SMAD3: variants seen among roughly 807,000 people sequenced by gnomAD.
The protein encoded by SMAD3 is MAD homolog 3.
SMAD3 carries 12 observed loss-of-function variants against 51.8 expected under a neutral mutation model. The observed-to-expected ratio is 0.23, with a 90% CI of 0.15 to 0.38. The LOEUF (loss-of-function observed/expected upper bound fraction) is 0.38, where lower values mean the gene tolerates loss of function less well. SMAD3 is among the 10% of genes least tolerant of loss of function. The pLI, the probability that SMAD3 is intolerant of heterozygous loss-of-function variation, is 1.00. For missense variants in SMAD3, 294 were observed against 565.6 expected, an observed-to-expected ratio of 0.52 and a Z score of 4.87; for synonymous variants, 238 against 227.7, an observed-to-expected ratio of 1.05 and a Z score of -0.41.
rs1218215495 is a variant in SMAD3 at position 67,190,894 on chromosome 15, A to AC, written c.*362dup. ...GGGATGTCACAGTCCAACCAGAAAC[A>AC]CCCCTCTGTCTAGGACTGCAGTGTG... On this transcript the variant is annotated 3_prime_UTR_variant, in exon 9 of 9. Transcript: ENST00000327367. 53 of 401,818 alleles carry AC rather than the reference A, an allele frequency of 1.3e-4. No homozygotes were observed. The highest frequency in any genetic ancestry group is 2.4e-4 in the Non-Finnish European group (52 of 214,838). 24.9% of individuals were successfully genotyped at this position (401,818 alleles called of 1,614,324 possible). A position where few individuals can be genotyped will look rare whatever the true frequency, so the allele number is the denominator to read the frequency against.
At chr15:67,161,478 G>T (rs1188298096) in intron 1 of SMAD3, among the ~76,000 whole-genome samples, 2 of 152,198 alleles carry the variant, frequency 1.3e-5, no homozygotes, top group Non-Finnish European at 2.9e-5. Context: ...TTTTCTCCAA[G>T]GCCTTCTCTT....
intron 1 of SMAD3, among the ~76,000 whole-genome samples, chr15:67,086,581 G>T (rs1960398881): frequency 6.6e-6 from 1 of 152,174 alleles, no homozygotes; most frequent in Non-Finnish European, 1.5e-5. Flanking sequence ...CAGATGAAGG[G>T]GGATGGTATG....
rs1566994355 is a variant in SMAD3 at position 67,170,544 on chromosome 15, C to T, written c.608-10C>T. 2 of 1,613,050 alleles carry T rather than the reference C, an allele frequency of 1.2e-6. No homozygotes were observed. The highest frequency in any genetic ancestry group is 1.3e-5 in the African/African-American group (1 of 74,918). ...TTTTGTGAAGTCTCACAACTTGTCT[C>T]ACCTCGCAGGTTCTCCAAACCTATC... On this transcript the variant is annotated splice_polypyrimidine_tract_variant and intron_variant, in intron 4 of 8. Transcript: ENST00000327367.
Position 67,190,544 on chromosome 15 carries a change from A to G in SMAD3, c.*8A>G, listed in dbSNP as rs1963335585. On this transcript the variant is annotated 3_prime_UTR_variant, in exon 9 of 9. Coordinates refer to ENST00000327367, the MANE Select transcript of SMAD3 (RefSeq NM_005902.4). ...TGTTCCAGTGTGTCTTAGAGACATCAAGTATGGTAGGGGAGGGCAGGCTTG... is the reference window on the plus strand; with the variant it reads ...TGTTCCAGTGTGTCTTAGAGACATCGAGTATGGTAGGGGAGGGCAGGCTTG... 6.2e-7 allele frequency: 1 copy of G among 1,613,956 alleles called. No homozygotes were observed. Among genetic ancestry groups the G allele is most frequent in the Non-Finnish European group, 8.5e-7 (1 of 1,179,986 alleles).
Position 67,191,025 on chromosome 15 carries a change from T to G in SMAD3, c.*489T>G, listed in dbSNP as rs1567006074. 1 of 241,364 alleles carries G rather than the reference T, an allele frequency of 4.1e-6. No individual in the cohort carries two copies. Among genetic ancestry groups the G allele is most frequent in the Admixed American group, 5.2e-5 (1 of 19,304 alleles). The allele number at this position is 241,364 out of a possible 1,614,324, so 15.0% of individuals were successfully genotyped here. A position where few individuals can be genotyped will look rare whatever the true frequency, so the allele number is the denominator to read the frequency against. ...TGACAGTGCCTCTTCCAGTGAACATTCCCAGCCCAGCCCCGCCCCGCCCCG... is the reference window on the plus strand; with the variant it reads ...TGACAGTGCCTCTTCCAGTGAACATGCCCAGCCCAGCCCCGCCCCGCCCCG... On this transcript the variant is annotated 3_prime_UTR_variant, in exon 9 of 9. Coordinates refer to ENST00000327367, the MANE Select transcript of SMAD3 (RefSeq NM_005902.4).
intron 1 of SMAD3, among the ~76,000 whole-genome samples, chr15:67,157,274 A>G (rs185854236): frequency 1.2e-4 from 18 of 152,382 alleles, no homozygotes; most frequent in Non-Finnish European, 1.8e-4. Context: ...TAACTGGCAC[A>G]GTTCTTGGGA....
chr15:67,080,757 G>A (rs556927830), intron 1 of SMAD3, among the ~76,000 whole-genome samples: 4 of 152,338 alleles, frequency 2.6e-5, no homozygotes, highest in South Asian at 4.1e-4. Context: ...TGCCAGGGCC[G>A]CTGCGGAGCA....
At chr15:67,091,504 G>A (rs1383851688) in intron 1 of SMAD3, among the ~76,000 whole-genome samples, 3 of 152,222 alleles carry the variant, frequency 2.0e-5, no homozygotes, top group Non-Finnish European at 4.4e-5. Flanking sequence ...TGTGGCTGTG[G>A]CCATGGTTTC....
At chr15:67,110,963 T>C (rs912483219) in intron 1 of SMAD3, among the ~76,000 whole-genome samples, 1 of 152,236 alleles carries the variant, frequency 6.6e-6, no homozygotes, top group African/African-American at 2.4e-5. Context: ...CAGACTTTAT[T>C]CAGTAAACCT....
At chr15:67,088,134 G>A (rs1195683547) in intron 1 of SMAD3, among the ~76,000 whole-genome samples, 1 of 152,228 alleles carries the variant, frequency 6.6e-6, no homozygotes, top group Non-Finnish European at 1.5e-5. Context: ...CGCAGGAGGA[G>A]TGATAAAGTG....
At chr15:67,170,480 T>C (rs1962717667) in intron 4 of SMAD3, 74 bp from the exon 5 acceptor site, 5 of 1,218,774 alleles carry the variant, frequency 4.1e-6, no homozygotes, top group African/African-American at 1.5e-5. Context: ...CTCCTTGATA[T>C]GTAAGTGTTT....
In SMAD3 at chr15:67,194,925, T is replaced by C. The variant is rs1013502683; in HGVS notation, c.*4389T>C. On this transcript the variant is annotated 3_prime_UTR_variant, in exon 9 of 9. Coordinates refer to ENST00000327367, the MANE Select transcript of SMAD3 (RefSeq NM_005902.4). ...AACTCGGCTGTTCTGGACTCTGATG[T>C]GTGTGGAGGGATGGGGAATAGAACA... is the stretch of plus-strand genomic sequence containing the variant. 1 of 233,744 alleles carries C rather than the reference T, an allele frequency of 4.3e-6. No homozygotes were observed. Among genetic ancestry groups the C allele is most frequent in the Admixed American group, 5.6e-5 (1 of 17,792 alleles). 14.5% of individuals were successfully genotyped at this position (233,744 alleles called of 1,614,324 possible).
intron 1 of SMAD3, chr15:67,125,863 T>C (rs779906873): frequency 1.9e-4 from 189 of 985,446 alleles, no homozygotes; most frequent in Non-Finnish European, 2.1e-4. Context: ...GGTAATTTAT[T>C]GCCGCCGCTC....
intron 1 of SMAD3, among the ~76,000 whole-genome samples, chr15:67,079,578 G>T (rs1488614565): frequency 6.6e-6 from 1 of 152,196 alleles, no homozygotes; most frequent in Non-Finnish European, 1.5e-5. Context: ...CTCACATGGG[G>T]TGATCCTGGT....
intron 1 of SMAD3, among the ~76,000 whole-genome samples, chr15:67,114,411 G>A (rs910924391): frequency 9.2e-4 from 140 of 152,234 alleles, no homozygotes; most frequent in African/African-American, 3.2e-3. Context: ...CTCCCTCACC[G>A]GGGGCAAGGA....
At chr15:67,187,217 G>A in intron 7 of SMAD3, 148 bp from the exon 8 acceptor site, 1 of 913,416 alleles carries the variant, frequency 1.1e-6, no homozygotes, top group Non-Finnish European at 1.8e-6. Context: ...TGAGTGTGGA[G>A]TGTGTGGCAA....
Position 67,139,713 on chromosome 15 carries a change from A to G in SMAD3, c.207-25182A>G, listed in dbSNP as rs138555963. ...GGCCCTGGGAAATGTTAACTGATCA[A>G]AAATGCTGGGTAAGTAGAATTATTA... On this transcript the variant is annotated intron_variant, in intron 1 of 8. Transcript: ENST00000327367. Among the ~76,000 whole-genome samples the G allele has an allele frequency of 1.1e-4, 16 of 152,332 alleles. No homozygotes were observed. In the East Asian group the frequency reaches 3.1e-3, roughly 29 times the overall value.
intron 1 of SMAD3, among the ~76,000 whole-genome samples, chr15:67,095,706 ATTTC>A (rs983310663): frequency 9.2e-5 from 14 of 151,752 alleles, no homozygotes; most frequent in African/African-American, 2.7e-4. Context: ...TAATTTTTGT[ATTTC>A]TTTTAGTAGA....
chr15:67,101,376 C>T (rs1180117842), intron 1 of SMAD3, among the ~76,000 whole-genome samples: 3 of 152,150 alleles, frequency 2.0e-5, no homozygotes, highest in Admixed American at 1.3e-4. Flanking sequence ...GTAATATTTA[C>T]GTATGGGAGT....
Sources: allele counts gnomAD v4.1 joint callset (sites outside exome capture counted in the v4.1 genomes callset), GRCh38; gene constraint gnomAD v4.1.1; transcripts MANE v1.5; gene names NCBI Gene and HGNC (gene_info 2026-07-23, HGNC 2026-07-21).